Variants in SORBS2 observed in about 807,000 individuals in gnomAD.
SORBS2 encodes sorbin and SH3 domain-containing protein 2.
A neutral mutation model predicts 97.7 loss-of-function variants in SORBS2; 46 were observed. The observed-to-expected ratio is 0.47, with a 90% confidence interval of 0.37 to 0.60. The LOEUF is 0.60. SORBS2 is among the 20% of genes least tolerant of loss of function. SORBS2 has a pLI of 0.00. For missense variants in SORBS2, 1,316 were observed against 1,282.3 expected (o/e 1.03, Z -0.40); for synonymous variants, 476 against 473.4 (o/e 1.01, Z -0.07).
At chr4:185,639,458 C>A (rs1581576635) in intron 4 of SORBS2, among the ~76,000 whole-genome samples, 1 of 152,264 alleles carries the variant, frequency 6.6e-6, no homozygotes, top group Non-Finnish European at 1.5e-5. Flanking sequence ...TTAATATAAA[C>A]AGTTGGAGAA....
At chr4:185,614,033 T>C (rs2096587861) in intron 11 of SORBS2, among the ~76,000 whole-genome samples, 1 of 152,178 alleles carries the variant, frequency 6.6e-6, no homozygotes, top group South Asian at 2.1e-4. Flanking sequence ...CTCGCCTGTG[T>C]TGTGTGCAGA....
At chr4:185,872,817 G>A (rs1390851728) in intron 1 of SORBS2, among the ~76,000 whole-genome samples, 1 of 152,212 alleles carries the variant, frequency 6.6e-6, no homozygotes, top group Admixed American at 6.5e-5. Flanking sequence ...CCCATGCAAT[G>A]CTGGGAAGGG....
In SORBS2 at chr4:185,607,580, C is replaced by T. The variant is rs956960573; in HGVS notation, c.2796+4200G>A. 2.6e-5 allele frequency among the ~76,000 whole-genome samples: 4 copies of T among 152,044 alleles called. No individual in the cohort carries two copies. Among genetic ancestry groups the T allele is most frequent in the Non-Finnish European group, 5.9e-5 (4 of 68,012 alleles). ...TATGTTAATTAGAAAAGTTACTTCA[C>T]AAATGAAACTCTACTAGTTTTGGAA... On this transcript the variant is annotated intron_variant, in intron 12 of 14. Coordinates refer to ENST00000418609, the Ensembl canonical transcript of SORBS2. The surrounding 1 kb of genome is among the most constrained non-coding windows in gnomAD (Gnocchi z 5.2).
At chr4:185,700,768 G>A (rs1003839943) in intron 2 of SORBS2, among the ~76,000 whole-genome samples, 4 of 152,080 alleles carry the variant, frequency 2.6e-5, no homozygotes, top group African/African-American at 9.7e-5. Flanking sequence ...GGTGTCTATT[G>A]CCCTTTTGTT....
chr4:185,813,888 C>T (rs915944911), intron 1 of SORBS2, among the ~76,000 whole-genome samples: 1 of 152,162 alleles, frequency 6.6e-6, no homozygotes, highest in Admixed American at 6.5e-5. Context: ...TTATGTCTGA[C>T]TCCCAGACTG....
chr4:185,806,596 T>C (rs1020280119), intron 1 of SORBS2, among the ~76,000 whole-genome samples: 1 of 150,432 alleles, frequency 6.6e-6, no homozygotes. Flanking sequence ...TAGCTGGGAC[T>C]ACAGGCGCCC....
intron 2 of SORBS2, among the ~76,000 whole-genome samples, chr4:185,763,433 A>AC (rs1283493603): frequency 1.3e-5 from 2 of 151,530 alleles, no homozygotes; most frequent in Non-Finnish European, 2.9e-5. Context: ...CAAGCCCCCG[A>AC]CCCCCCACCT....
intron 11 of SORBS2, 86 bp downstream of exon 23, chr4:185,614,745 T>C: frequency 1.4e-6 from 2 of 1,468,048 alleles, no homozygotes; most frequent in Non-Finnish European, 1.8e-6. Context: ...AGATAACCTA[T>C]TTTAGTTTTG....
chr4:185,721,900 T>C lies in SORBS2; in HGVS notation c.-197-43078A>G, dbSNP rs189552750. Among the ~76,000 whole-genome samples, 206 of 152,314 alleles carry C rather than the reference T, an allele frequency of 1.4e-3. 2 individuals are homozygous for C. In the Middle Eastern group the frequency reaches 0.037, roughly 28 times the overall value. ...CTTCCAAATAATTTAGAGAGAATTA[T>C]CATGTGAGAGTGCACATATATACAT... On this transcript the variant is annotated intron_variant, in intron 2 of 20. Transcript: ENST00000284776.
intron 2 of SORBS2, chr4:185,772,818 A>C (rs371105137): frequency 6.6e-6 from 1 of 152,158 alleles, no homozygotes; most frequent in African/African-American, 2.4e-5. Flanking sequence ...TAATACAATA[A>C]AGCCTCAAAG....
intron 1 of SORBS2, among the ~76,000 whole-genome samples, chr4:185,948,686 T>C (rs1421875978): frequency 1.3e-5 from 2 of 151,502 alleles, no homozygotes; most frequent in African/African-American, 4.9e-5. Flanking sequence ...CCTGGCTAAT[T>C]TTTGTATTTT....
chr4:185,686,383 AT>A (rs1021914749), intron 2 of SORBS2, among the ~76,000 whole-genome samples: 21 of 152,316 alleles, frequency 1.4e-4, no homozygotes, highest in African/African-American at 5.1e-4. Context: ...TAAAGTAACA[AT>A]TTCTTAATGT....
intron 1 of SORBS2, among the ~76,000 whole-genome samples, chr4:185,892,549 A>C (rs986980599): frequency 6.6e-6 from 1 of 152,252 alleles, no homozygotes; most frequent in East Asian, 1.9e-4. Context: ...ATGGGTAAAC[A>C]AAACGTGGTG....
At chr4:185,652,620 A>C in intron 2 of SORBS2, 42 bp downstream of exon 10, 1 of 1,516,718 alleles carries the variant, frequency 6.6e-7, no homozygotes, top group African/African-American at 1.4e-5. Flanking sequence ...TAGTCCCTTC[A>C]ACCCACAAGG....
chr4:185,657,402 C>G (rs1195146563), upstream of SORBS2: 2 of 1,517,396 alleles, frequency 1.3e-6, no homozygotes, highest in Non-Finnish European at 1.8e-6. Context: ...CCCAGACAGA[C>G]GCACACGCTG....
intron 1 of SORBS2, among the ~76,000 whole-genome samples, chr4:185,873,626 A>G (rs1202219420): frequency 1.3e-5 from 2 of 152,208 alleles, no homozygotes; most frequent in South Asian, 2.1e-4. Context: ...AACAGCGATT[A>G]CAATCTCTGC....
At chr4:185,866,615 A>G (rs1249444473) in intron 1 of SORBS2, among the ~76,000 whole-genome samples, 1 of 152,236 alleles carries the variant, frequency 6.6e-6, no homozygotes, top group African/African-American at 2.4e-5. Context: ...GGCAAAACAG[A>G]GACAGTTTCA....
At chr4:185,702,165 G>A (rs2098272743) in intron 2 of SORBS2, among the ~76,000 whole-genome samples, 1 of 152,236 alleles carries the variant, frequency 6.6e-6, no homozygotes, top group Non-Finnish European at 1.5e-5. Flanking sequence ...CCTGAGGCTG[G>A]GTAATCTATA....
At chr4:185,779,995 A>G (rs2099019384) in intron 1 of SORBS2, among the ~76,000 whole-genome samples, 1 of 150,632 alleles carries the variant, frequency 6.6e-6, no homozygotes. Flanking sequence ...AGGCTAGACT[A>G]AGTAGAGTAA....
Sources: gnomAD v4.1 joint callset for allele counts (sites outside exome capture counted in the v4.1 genomes callset) on GRCh38, gnomAD v4.1.1 for gene constraint, Gnocchi (gnomAD v3.1) non-coding constraint, MANE v1.5 for transcripts, NCBI Gene and HGNC (gene_info 2026-07-23, HGNC 2026-07-21) for gene names.